The following HIVEP3 variants were observed in gnomAD, a reference collection of about 807,000 sequenced individuals.
HIVEP3 encodes transcription factor HIVEP3.
Under a neutral mutation model 152.8 loss-of-function variants are expected in HIVEP3, and 49 were observed. The observed-to-expected ratio is 0.32, with a 90% CI of 0.26 to 0.41. HIVEP3 has a LOEUF of 0.41. Among genes scored for constraint, HIVEP3 ranks in the 10% least tolerant of loss-of-function variants. The probability of loss-of-function intolerance (pLI) is 1.00; values close to 1 mark genes in which losing one functional copy is unlikely to be tolerated. For synonymous variants in HIVEP3, 1,269 were observed against 1,289.0 expected, an observed-to-expected ratio of 0.98 and a Z score of 0.33; for missense variants, 2,790 against 3,103.3, an observed-to-expected ratio of 0.90 and a Z score of 2.40.
In HIVEP3 at chr1:41,511,521, C is replaced by T. The variant is rs1247698895; in HGVS notation, c.6406-255G>A. Among the ~76,000 whole-genome samples, 2 of 152,120 alleles carry T rather than the reference C, an allele frequency of 1.3e-5. No individual in the cohort carries two copies. Among genetic ancestry groups the T allele is most frequent in the Non-Finnish European group, 2.9e-5 (2 of 68,008 alleles). ...GGCCCCATGGTCTCCATGCCTCTAG[C>T]CAGCATATCTGTCTTCAAAGGAGGG... is the stretch of plus-strand genomic sequence containing the variant. On this transcript the variant is annotated intron_variant, in intron 8 of 8. Transcript: ENST00000372583. This position sits in a 1 kb window ranked among gnomAD's most constrained non-coding sequence, Gnocchi z 4.9.
chr1:41,810,548 C>T (rs1351635082), intron 1 of HIVEP3, among the ~76,000 whole-genome samples: 1 of 152,246 alleles, frequency 6.6e-6, no homozygotes, highest in Non-Finnish European at 1.5e-5. Flanking sequence ...TGGAAGCCCA[C>T]ACCAGTAGGG....
chr1:41,893,077 C>G (rs1178408847), intron 1 of HIVEP3, among the ~76,000 whole-genome samples: 1 of 143,050 alleles, frequency 7.0e-6, no homozygotes, highest in Non-Finnish European at 1.5e-5. Context: ...GAGCCATGTT[C>G]GTGCAACTGC....
intron 1 of HIVEP3, among the ~76,000 whole-genome samples, chr1:41,722,900 C>CAG (rs1468593713): frequency 6.6e-6 from 1 of 151,938 alleles, no homozygotes; most frequent in Non-Finnish European, 1.5e-5. Context: ...AAGAGAAAGA[C>CAG]AGAGAGAGAG....
chr1:41,831,982 A>C (rs1006313240), intron 1 of HIVEP3, among the ~76,000 whole-genome samples: 1 of 152,216 alleles, frequency 6.6e-6, no homozygotes, highest in African/African-American at 2.4e-5. Context: ...GAATCTGGAC[A>C]GTCAGGGTCT....
chr1:41,596,944 T>C (rs114518129), intron 3 of HIVEP3, among the ~76,000 whole-genome samples: 22 of 152,324 alleles, frequency 1.4e-4, no homozygotes, highest in Admixed American at 3.9e-4. Flanking sequence ...TGCATGACCA[T>C]GTTAACCTTA....
intron 1 of HIVEP3, among the ~76,000 whole-genome samples, chr1:41,947,537 A>G (rs1645082157): frequency 6.6e-6 from 1 of 152,212 alleles, no homozygotes; most frequent in South Asian, 2.1e-4. Context: ...CATTACATAC[A>G]CTAATTAAGG....
Position 41,582,179 on chromosome 1 carries a change from C to T in HIVEP3, c.2619G>A (p.Pro873=), listed in dbSNP as rs149380243. ...CAGTCTTCTCAGGTTCCTTAGGGGG[C>T]GGCTCTGGCTCTGTGTCCGGCCGGT... The part of the protein sequence containing the change: ...EPDRPDTEPE[P]PPKEPEKTEE... Residue 873 remains proline (P), a synonymous_variant, in exon 4 of 9, where the codon CCG becomes CCA. Transcript: ENST00000372583. This position sits in a 1 kb window ranked among gnomAD's most constrained non-coding sequence, Gnocchi z 4.7. 45 of 1,613,922 alleles carry T rather than the reference C, an allele frequency of 2.8e-5. No homozygotes were observed. Among genetic ancestry groups the T allele is most frequent in the African/African-American group, 5.3e-5 (4 of 74,992 alleles).
rs534390002 is a variant in HIVEP3, at chr1:41,663,319, G to T, written c.-720-34372C>A. Among the ~76,000 whole-genome samples the T allele has an allele frequency of 9.2e-5, 14 of 152,352 alleles. No individual in the cohort carries two copies. In the South Asian group the frequency reaches 1.4e-3, roughly 16 times the overall value. ...GGAGACAATGGAGCTGGGGGTCGGG[G>T]GTGTAGAGTGGGGTTAAGCCAGGAC... On this transcript the variant is annotated intron_variant, in intron 2 of 8. Coordinates refer to ENST00000372583, the MANE Select transcript of HIVEP3 (RefSeq NM_024503.5).
chr1:41,574,577 C>A (rs1422530410), intron 5 of HIVEP3, among the ~76,000 whole-genome samples: 1 of 152,160 alleles, frequency 6.6e-6, no homozygotes, highest in African/African-American at 2.4e-5. Context: ...ATGGAGGACT[C>A]CCGTGCCTCC....
Position 41,527,701 on chromosome 1 carries a change from C to G in HIVEP3, c.5208-2791G>C, listed in dbSNP as rs143703864. Among the ~76,000 whole-genome samples the G allele has an allele frequency of 1.2e-3, 181 of 147,966 alleles. 2 individuals carry two copies. Among genetic ancestry groups the G allele is most frequent in the African/African-American group, 3.8e-3 (153 of 39,848 alleles). On this transcript the variant is annotated intron_variant, in intron 5 of 8. Coordinates refer to ENST00000372583, the MANE Select transcript of HIVEP3 (RefSeq NM_024503.5). ...TCCCACCCTCATGCTCACCCTCACA[C>G]ACCCCCACCCTCACATGCTCACCCT...
At position 41,584,242 on chromosome 1, in the gene HIVEP3, G is replaced by A. The variant is rs1388962007; in HGVS notation, c.556C>T (p.Pro186Ser). ...TEEAHKKERK[P>S]QKPGKYICQY... Reference sequence around the variant, plus strand: ...CAGATGTACTTGCCTGGCTTCTGGGGCTTCCTCTCCTTCTTGTGTGCCTCT... The same window carrying A: ...CAGATGTACTTGCCTGGCTTCTGGGACTTCCTCTCCTTCTTGTGTGCCTCT... Residue 186 changes from proline (P) to serine (S), a missense_variant, in exon 4 of 9, where the codon CCC becomes TCC. Transcript: ENST00000372583. This position sits in a 1 kb window ranked among gnomAD's most constrained non-coding sequence, Gnocchi z 5.2. 1 of 1,613,808 alleles carries A rather than the reference G, an allele frequency of 6.2e-7. No homozygotes were observed. Among genetic ancestry groups the A allele is most frequent in the Non-Finnish European group, 8.5e-7 (1 of 1,179,804 alleles).
intron 2 of HIVEP3, among the ~76,000 whole-genome samples, chr1:41,635,597 C>T (rs201004155): frequency 2.0e-4 from 3 of 14,722 alleles, no homozygotes; most frequent in African/African-American, 1.5e-3. Flanking sequence ...CATATACATA[C>T]GTATGTATAT....
At chr1:41,601,783 T>A (rs911189170) in intron 3 of HIVEP3, among the ~76,000 whole-genome samples, 1 of 152,198 alleles carries the variant, frequency 6.6e-6, no homozygotes, top group African/African-American at 2.4e-5. Context: ...TGAATAGAAA[T>A]GGCAAGCAAG....
chr1:42,011,936 G>A (rs1387853552), intron 1 of HIVEP3, among the ~76,000 whole-genome samples: 1 of 152,178 alleles, frequency 6.6e-6, no homozygotes, highest in African/African-American at 2.4e-5. Context: ...GTGGACACAA[G>A]GAACTTCTCT....
At chr1:41,878,951 A>T (rs576735852) in intron 1 of HIVEP3, among the ~76,000 whole-genome samples, 6 of 134,570 alleles carry the variant, frequency 4.5e-5, no homozygotes, top group African/African-American at 1.7e-4. Context: ...CGCATACTCC[A>T]CTTGTCTCTT....
intron 5 of HIVEP3, among the ~76,000 whole-genome samples, chr1:41,559,900 C>A (rs1208083099): frequency 1.3e-5 from 2 of 152,212 alleles, no homozygotes; most frequent in Non-Finnish European, 2.9e-5. Flanking sequence ...CTCATACCAA[C>A]CCTCTAAGAT....
intron 2 of HIVEP3, among the ~76,000 whole-genome samples, chr1:41,680,128 C>A (rs1382149880): frequency 6.6e-6 from 1 of 152,166 alleles, no homozygotes; most frequent in African/African-American, 2.4e-5. Context: ...CACACTGGTC[C>A]CTGGGATGAC....
At chr1:41,972,419 A>C (rs779877378) in intron 1 of HIVEP3, among the ~76,000 whole-genome samples, 1 of 152,230 alleles carries the variant, frequency 6.6e-6, no homozygotes, top group Admixed American at 6.5e-5. Flanking sequence ...GTTAGAGGCA[A>C]GGCAGTGGGC....
At chr1:41,541,324 A>G (rs1643526235) in intron 5 of HIVEP3, among the ~76,000 whole-genome samples, 1 of 152,238 alleles carries the variant, frequency 6.6e-6, no homozygotes, top group Non-Finnish European at 1.5e-5. Flanking sequence ...TGACTTTCCC[A>G]ACTCAAAGTG....
Sources: gnomAD v4.1 joint callset for allele counts (sites outside exome capture counted in the v4.1 genomes callset) on GRCh38, gnomAD v4.1.1 for gene constraint, Gnocchi (gnomAD v3.1) non-coding constraint, MANE v1.5 for transcripts, NCBI Gene and HGNC (gene_info 2026-07-23, HGNC 2026-07-21) for gene names.